SAMD5: variants seen among roughly 807,000 people sequenced by gnomAD.
The protein encoded by SAMD5 is sterile alpha motif domain-containing protein 5.
In SAMD5, 13 loss-of-function variants were observed where a neutral mutation model predicts 11.3. The observed-to-expected ratio is 1.15, with a 90% confidence interval of 0.75 to 1.83. The LOEUF (loss-of-function observed/expected upper bound fraction) is 1.83. Among genes scored for constraint, SAMD5 ranks in the 40% most tolerant of loss-of-function variants. The pLI, the probability that SAMD5 is intolerant of heterozygous loss-of-function variation, is 0.00. For synonymous variants in SAMD5, 129 were observed against 111.3 expected (o/e 1.16, Z -1.00); for missense variants, 255 against 239.1 (o/e 1.07, Z -0.44).
At chr6:147,599,017 G>A (rs933576780) in intron 1 of SAMD5, among the ~76,000 whole-genome samples, 1 of 152,214 alleles carries the variant, frequency 6.6e-6, no homozygotes, top group Non-Finnish European at 1.5e-5. Flanking sequence ...ATGGAACACT[G>A]AGGACATGTG....
chr6:147,859,051 C>T, the SAMD5 span, among the ~76,000 whole-genome samples: 1 of 152,128 alleles, frequency 6.6e-6, no homozygotes, highest in Non-Finnish European at 1.5e-5. Flanking sequence ...CACTAGGGGC[C>T]AGGGAGGACC....
the SAMD5 span, among the ~76,000 whole-genome samples, chr6:147,927,925 G>A: frequency 3.3e-5 from 5 of 152,048 alleles, no homozygotes; most frequent in Non-Finnish European, 7.4e-5. Flanking sequence ...TGACATAATT[G>A]TGTGGTTTTT....
intron 1 of SAMD5, among the ~76,000 whole-genome samples, chr6:147,670,021 C>T (rs1790774437): frequency 6.6e-6 from 1 of 152,144 alleles, no homozygotes; most frequent in African/African-American, 2.4e-5. Context: ...TTAAATAAGA[C>T]TTGAAAGTCA....
At chr6:147,574,270 T>C (rs1438617841), downstream of SAMD5, among the ~76,000 whole-genome samples, 2 of 152,220 alleles carry the variant, frequency 1.3e-5, no homozygotes, top group African/African-American at 4.8e-5. Flanking sequence ...CCATTTAATC[T>C]TAAGATTATT....
chr6:147,808,978 C>T, the SAMD5 span, among the ~76,000 whole-genome samples: 1 of 151,890 alleles, frequency 6.6e-6, no homozygotes, highest in Non-Finnish European at 1.5e-5. Flanking sequence ...TATTTATAAA[C>T]AGACAGAAGC....
intron 1 of SAMD5, among the ~76,000 whole-genome samples, chr6:147,515,103 T>C (rs1335523354): frequency 1.3e-5 from 2 of 151,110 alleles, no homozygotes; most frequent in African/African-American, 2.4e-5. Flanking sequence ...AGGGACAGAT[T>C]GGAAGCTGGA....
At chr6:147,839,254 C>T in the SAMD5 span, among the ~76,000 whole-genome samples, 1 of 152,158 alleles carries the variant, frequency 6.6e-6, no homozygotes, top group East Asian at 1.9e-4. Context: ...GTCTTGAGAC[C>T]CTACCTTAGG....
At chr6:147,769,794 A>C in the SAMD5 span, among the ~76,000 whole-genome samples, 17 of 152,190 alleles carry the variant, frequency 1.1e-4, no homozygotes, top group Non-Finnish European at 2.4e-4. Context: ...TTGGCCAGAC[A>C]TGTCTGTTTT....
chr6:147,831,423 T>C, the SAMD5 span, among the ~76,000 whole-genome samples: 1 of 152,196 alleles, frequency 6.6e-6, no homozygotes, highest in South Asian at 2.1e-4. Context: ...GCTCCTGCTT[T>C]CCTCTTTTTC....
rs572275498 is a variant in SAMD5, at chr6:147,623,014, C to T, written c.162+113627C>T. 2.6e-5 allele frequency among the ~76,000 whole-genome samples: 4 copies of T among 152,298 alleles called. No homozygotes were observed. In the South Asian group the frequency reaches 8.3e-4, roughly 32 times the overall value. On this transcript the variant is annotated intron_variant, in intron 1 of 1. Coordinates refer to the SAMD5 transcript ENST00000566741. Reference sequence around the variant, plus strand: ...GCCCTCATGATTAAATTACCTCCCACCAGGTCCCTCCCACAACACATGGGA... The same window carrying T: ...GCCCTCATGATTAAATTACCTCCCATCAGGTCCCTCCCACAACACATGGGA...
At chr6:147,917,118 TG>T in the SAMD5 span, among the ~76,000 whole-genome samples, 1 of 81,480 alleles carries the variant, frequency 1.2e-5, no homozygotes, top group Non-Finnish European at 2.2e-5. Context: ...TCTAGATCCT[TG>T]AGGAATCGCC....
the SAMD5 span, among the ~76,000 whole-genome samples, chr6:147,783,654 C>T: frequency 1.3e-5 from 2 of 152,160 alleles, no homozygotes; most frequent in Non-Finnish European, 2.9e-5. Flanking sequence ...CTTTCTGGGC[C>T]TCCCAAAGTG....
chr6:147,916,059 A>G, the SAMD5 span, among the ~76,000 whole-genome samples: 49 of 151,972 alleles, frequency 3.2e-4, no homozygotes, highest in African/African-American at 1.1e-3. Context: ...AGCTTCATCC[A>G]TGTCCCTACA....
intron 1 of SAMD5, among the ~76,000 whole-genome samples, chr6:147,685,401 T>C (rs554072642): frequency 1.3e-5 from 2 of 152,308 alleles, no homozygotes; most frequent in South Asian, 4.1e-4. Flanking sequence ...CTTGAACTCC[T>C]GATCTCAGGT....
At chr6:147,726,343 A>C (rs989127505) in intron 1 of SAMD5, among the ~76,000 whole-genome samples, 1 of 152,274 alleles carries the variant, frequency 6.6e-6, no homozygotes, top group Non-Finnish European at 1.5e-5. Flanking sequence ...TCTTTGCACC[A>C]GACATTGTAC....
At chr6:147,636,543 A>G (rs1790233701) in intron 1 of SAMD5, among the ~76,000 whole-genome samples, 1 of 152,186 alleles carries the variant, frequency 6.6e-6, no homozygotes, top group Non-Finnish European at 1.5e-5. Flanking sequence ...CCTAGCCTGG[A>G]TTATAAAAAT....
intron 1 of SAMD5, among the ~76,000 whole-genome samples, chr6:147,715,609 C>G (rs1281645844): frequency 6.6e-6 from 1 of 152,232 alleles, no homozygotes; most frequent in Admixed American, 6.5e-5. Flanking sequence ...GGGCATGTTT[C>G]AGCCCTACTT....
the SAMD5 span, among the ~76,000 whole-genome samples, chr6:147,837,206 C>T: frequency 6.6e-6 from 1 of 152,008 alleles, no homozygotes; most frequent in South Asian, 2.1e-4. Context: ...GTGTCTGCTC[C>T]CCCTTCCTCC....
chr6:147,663,082 T>C (rs1222198289), intron 1 of SAMD5, among the ~76,000 whole-genome samples: 3 of 152,218 alleles, frequency 2.0e-5, no homozygotes, highest in Non-Finnish European at 4.4e-5. Flanking sequence ...AAGAAGGATT[T>C]GCTTTCAATT....
Sources: gnomAD v4.1 joint callset for allele counts (sites outside exome capture counted in the v4.1 genomes callset) on GRCh38, gnomAD v4.1.1 for gene constraint, MANE v1.5 for transcripts, NCBI Gene and HGNC (gene_info 2026-07-23, HGNC 2026-07-21) for gene names.